EPHA6: variants seen among roughly 807,000 people sequenced by gnomAD.
EPHA6 encodes the protein ephrin type-A receptor 6.
EPHA6 carries 50 observed loss-of-function variants against 112.0 expected under a neutral mutation model. That is an observed-to-expected ratio of 0.45 (90% CI 0.36 to 0.56). The LOEUF (loss-of-function observed/expected upper bound fraction) is 0.56. Among genes scored for constraint, EPHA6 ranks in the 20% least tolerant of loss-of-function variants. EPHA6 has a pLI of 0.00. For missense variants in EPHA6, 1,280 were observed against 1,417.4 expected, an observed-to-expected ratio of 0.90 and a Z score of 1.56; for synonymous variants, 529 against 490.7, an observed-to-expected ratio of 1.08 and a Z score of -1.03.
rs1344386839 is a variant in EPHA6 at position 97,492,583 on chromosome 3, A to ACC, written c.2200+8524_2200+8525insCC. On this transcript the variant is annotated intron_variant, in intron 10 of 17. Transcript: ENST00000389672. ...AAAAAAAAAAAAAAAAAAAAAAAAA[A>ACC]AAAAAAAAAAACCGTGGATAATGTA... 2.8e-3 allele frequency among the ~76,000 whole-genome samples: 369 copies of ACC among 133,416 alleles called. 24 individuals carry two copies. Among genetic ancestry groups the ACC allele is most frequent in the African/African-American group, 0.011 (360 of 34,092 alleles). 87.5% of individuals were successfully genotyped at this position (133,416 alleles called of 152,430 possible).
intron 11 of EPHA6, among the ~76,000 whole-genome samples, chr3:97,541,838 C>T (rs997647768): frequency 4.0e-5 from 6 of 150,376 alleles, no homozygotes; most frequent in Non-Finnish European, 8.8e-5. Context: ...TACAGGTGTG[C>T]TGTATTAGTC....
At chr3:97,610,996 C>G in intron 13 of EPHA6, 142 bp downstream of exon 13, 1 of 676,192 alleles carries the variant, frequency 1.5e-6, no homozygotes, top group Non-Finnish European at 2.5e-6. Context: ...GGTGCATTTC[C>G]CTGATACTGT....
intron 3 of EPHA6, among the ~76,000 whole-genome samples, chr3:97,028,538 C>T (rs1313066563): frequency 6.6e-6 from 1 of 151,998 alleles, no homozygotes; most frequent in African/African-American, 2.4e-5. Context: ...TATCCTTTCT[C>T]TTTCTCTTTC....
intron 5 of EPHA6, among the ~76,000 whole-genome samples, chr3:97,305,984 AAGATAAACTAAAATAT>A (rs1244226426): frequency 6.6e-6 from 1 of 151,994 alleles, no homozygotes; most frequent in African/African-American, 2.4e-5. Context: ...TTTAAAGGCA[AAGATAAACTAAAATAT>A]AGATGATATA....
At chr3:97,241,805 T>A (rs575784529) in intron 4 of EPHA6, among the ~76,000 whole-genome samples, 1 of 149,212 alleles carries the variant, frequency 6.7e-6, no homozygotes, top group Non-Finnish European at 1.5e-5. Context: ...CGGACAGTTA[T>A]ATACTTATAG....
intron 5 of EPHA6, among the ~76,000 whole-genome samples, chr3:97,396,679 T>G (rs142023165): frequency 2.1e-4 from 32 of 151,848 alleles, no homozygotes; most frequent in African/African-American, 7.5e-4. Context: ...CATCTCTTCA[T>G]TAAACAATTG....
intron 2 of EPHA6, among the ~76,000 whole-genome samples, chr3:96,944,111 T>TA (rs1462367704): frequency 1.3e-5 from 2 of 152,160 alleles, no homozygotes; most frequent in African/African-American, 2.4e-5. Context: ...GAAAGAATGG[T>TA]ATGTACTCAC....
intron 14 of EPHA6, among the ~76,000 whole-genome samples, chr3:97,697,572 C>T (rs1472711148): frequency 1.3e-5 from 2 of 152,168 alleles, no homozygotes; most frequent in Non-Finnish European, 2.9e-5. Context: ...ATTTTTACTT[C>T]AGTTGATTTA....
chr3:96,944,240 C>T (rs938377567), intron 2 of EPHA6, among the ~76,000 whole-genome samples: 5 of 152,124 alleles, frequency 3.3e-5, no homozygotes, highest in Admixed American at 3.3e-4. Flanking sequence ...ATGTTAAACC[C>T]TCATCTTACA....
At chr3:97,381,912 G>A (rs1025769855) in intron 5 of EPHA6, among the ~76,000 whole-genome samples, 6 of 151,954 alleles carry the variant, frequency 3.9e-5, no homozygotes, top group African/African-American at 1.4e-4. Flanking sequence ...ACTTAATAAA[G>A]AAATTATTCT....
chr3:96,815,287 C>T (rs1223393010), intron 1 of EPHA6, among the ~76,000 whole-genome samples: 3 of 152,160 alleles, frequency 2.0e-5, no homozygotes, highest in African/African-American at 4.8e-5. Context: ...CGTGGGACCG[C>T]TCCCCGCTGC....
intron 5 of EPHA6, among the ~76,000 whole-genome samples, chr3:97,324,830 G>A (rs1436871751): frequency 6.6e-6 from 1 of 152,056 alleles, no homozygotes; most frequent in Non-Finnish European, 1.5e-5. Flanking sequence ...GTGAGCCACT[G>A]TGCACAGCCC....
chr3:97,033,356 T>A (rs1047163704), intron 3 of EPHA6, among the ~76,000 whole-genome samples: 1 of 152,022 alleles, frequency 6.6e-6, no homozygotes, highest in African/African-American at 2.4e-5. Context: ...CCTAGGAAAA[T>A]TTCCAAACTA....
intron 5 of EPHA6, among the ~76,000 whole-genome samples, chr3:97,324,409 C>CTTTCTTTCTTTCTTTT (rs2082274724): frequency 1.0e-5 from 1 of 98,180 alleles, no homozygotes; most frequent in Admixed American, 1.1e-4. Flanking sequence ...TCCTTCTTTT[C>CTTTCTTTCTTTCTTTT]TTTCTTTCTT....
At chr3:96,934,385 T>C (rs2040479611) in intron 2 of EPHA6, among the ~76,000 whole-genome samples, 1 of 151,788 alleles carries the variant, frequency 6.6e-6, no homozygotes, top group Non-Finnish European at 1.5e-5. Context: ...CATTTGGTAT[T>C]TCTAATTTTA....
chr3:97,329,259 T>A (rs1288550228), intron 5 of EPHA6, among the ~76,000 whole-genome samples: 1 of 151,434 alleles, frequency 6.6e-6, no homozygotes, highest in African/African-American at 2.4e-5. Flanking sequence ...CTATTGTGAA[T>A]AGTGCCGCAA....
chr3:97,463,443 T>G (rs902557435), intron 7 of EPHA6, among the ~76,000 whole-genome samples: 9 of 152,056 alleles, frequency 5.9e-5, no homozygotes, highest in African/African-American at 1.9e-4. Flanking sequence ...AAATAGAAAA[T>G]TAGGTCCATA....
chr3:97,735,477 A>G (rs1338017081), intron 15 of EPHA6, among the ~76,000 whole-genome samples: 2 of 152,064 alleles, frequency 1.3e-5, no homozygotes, highest in African/African-American at 4.8e-5. Flanking sequence ...ACACATTGAC[A>G]TTATCATAAA....
intron 5 of EPHA6, among the ~76,000 whole-genome samples, chr3:97,401,524 G>A (rs2086989571): frequency 6.6e-6 from 1 of 151,670 alleles, no homozygotes; most frequent in Admixed American, 6.6e-5. Context: ...CAGTTATAAT[G>A]TCTTCTTTTT....
Sources: gnomAD v4.1 joint callset for allele counts (sites outside exome capture counted in the v4.1 genomes callset) on GRCh38, gnomAD v4.1.1 for gene constraint, MANE v1.5 for transcripts, NCBI Gene and HGNC (gene_info 2026-07-23, HGNC 2026-07-21) for gene names.